The following GMDS variants were observed in gnomAD, a reference collection of about 807,000 sequenced individuals.
The protein encoded by GMDS is GDP-mannose 4,6 dehydratase.
Under a neutral mutation model 49.9 loss-of-function variants are expected in GMDS, and 20 were observed. The ratio of observed to expected loss-of-function variants is 0.40; its 90% CI spans 0.28 to 0.58. The LOEUF is 0.58. Among genes scored for constraint, GMDS ranks in the 20% least tolerant of loss-of-function variants. GMDS has a pLI of 0.42. For synonymous variants in GMDS, 177 were observed against 178.6 expected (o/e 0.99, Z 0.07); for missense variants, 362 against 481.4 (o/e 0.75, Z 2.32).
At chr6:1,920,032 G>C (rs1290417828) in intron 7 of GMDS, among the ~76,000 whole-genome samples, 3 of 152,234 alleles carry the variant, frequency 2.0e-5, no homozygotes, top group African/African-American at 7.2e-5. Flanking sequence ...AGGATAAGGA[G>C]AATCTTTGTG....
chr6:1,840,460 T>C (rs1757106850), intron 7 of GMDS, among the ~76,000 whole-genome samples: 1 of 152,006 alleles, frequency 6.6e-6, no homozygotes, highest in Non-Finnish European at 1.5e-5. Context: ...CTTGTGCAAG[T>C]AAAAAGAAGA....
intron 9 of GMDS, among the ~76,000 whole-genome samples, chr6:1,631,327 G>T (rs1201750345): frequency 6.6e-6 from 1 of 152,138 alleles, no homozygotes; most frequent in Non-Finnish European, 1.5e-5. Flanking sequence ...TATCTCGGAG[G>T]TAAAAGCTAA....
Position 1,778,742 on chromosome 6 carries a change from T to C in GMDS, c.772-36156A>G, listed in dbSNP as rs1768949956. Among the ~76,000 whole-genome samples, 1 of 152,112 alleles carries C rather than the reference T, an allele frequency of 6.6e-6. No homozygotes were observed. Among genetic ancestry groups the C allele is most frequent in the African/African-American group, 2.4e-5 (1 of 41,436 alleles). ...CCAGCCAGGAAAAAGCCTGCTGACG[T>C]TTGCAGCTCAGACCTCAAAGCTCGT... On this transcript the variant is annotated intron_variant, in intron 7 of 10. Coordinates refer to ENST00000380815, the MANE Select transcript of GMDS (RefSeq NM_001500.4). This position sits in a 1 kb window ranked among gnomAD's most constrained non-coding sequence, Gnocchi z 4.6.
chr6:1,702,368 T>C (rs1048313620), intron 9 of GMDS, among the ~76,000 whole-genome samples: 8 of 152,246 alleles, frequency 5.3e-5, no homozygotes, highest in Non-Finnish European at 1.0e-4. Context: ...CTGTATTCTG[T>C]TCTCTCACCC....
chr6:1,638,577 T>TG (rs1273636017), intron 9 of GMDS, among the ~76,000 whole-genome samples: 3 of 136,812 alleles, frequency 2.2e-5, no homozygotes, highest in Non-Finnish European at 3.1e-5. Context: ...GACTGGGCTC[T>TG]GGGGGGCATT....
chr6:2,157,194 T>C (rs1465299801), intron 1 of GMDS, among the ~76,000 whole-genome samples: 1 of 152,218 alleles, frequency 6.6e-6, no homozygotes, highest in Admixed American at 6.5e-5. Flanking sequence ...TGACATCTTA[T>C]TAACATGAAA....
intron 7 of GMDS, among the ~76,000 whole-genome samples, chr6:1,922,848 C>T (rs1450115851): frequency 3.3e-5 from 5 of 152,214 alleles, no homozygotes; most frequent in East Asian, 1.9e-4. Flanking sequence ...AAATCCTCCA[C>T]TAATACAGTT....
At chr6:1,994,413 C>A (rs1766148500) in intron 4 of GMDS, among the ~76,000 whole-genome samples, 1 of 152,042 alleles carries the variant, frequency 6.6e-6, no homozygotes, top group South Asian at 2.1e-4. Flanking sequence ...ATGCTATATT[C>A]CATAATTTGC....
chr6:2,058,517 T>C (rs1372808642), intron 4 of GMDS, among the ~76,000 whole-genome samples: 1 of 151,228 alleles, frequency 6.6e-6, no homozygotes, highest in African/African-American at 2.4e-5. Context: ...CTCATGAGAG[T>C]GTAGAGCTAT....
At chr6:1,731,396 G>A (rs939470231) in intron 8 of GMDS, among the ~76,000 whole-genome samples, 7 of 152,170 alleles carry the variant, frequency 4.6e-5, no homozygotes, top group African/African-American at 1.7e-4. Context: ...CTCCAATAAC[G>A]AATGGGTCTA....
intron 7 of GMDS, among the ~76,000 whole-genome samples, chr6:1,789,833 C>T (rs1477564116): frequency 2.6e-5 from 4 of 152,136 alleles, no homozygotes; most frequent in East Asian, 1.9e-4. Flanking sequence ...CCACCACACC[C>T]AGCCTAAAAT....
intron 7 of GMDS, among the ~76,000 whole-genome samples, chr6:1,795,454 CA>C (rs1201335028): frequency 6.6e-6 from 1 of 152,102 alleles, no homozygotes; most frequent in Non-Finnish European, 1.5e-5. Flanking sequence ...TATATACATA[CA>C]GATATATGAT....
chr6:1,915,437 A>G (rs1195460191), intron 7 of GMDS, among the ~76,000 whole-genome samples: 4 of 152,236 alleles, frequency 2.6e-5, no homozygotes, highest in Admixed American at 2.6e-4. Context: ...AAGGGCAAGC[A>G]GCAGGGGCAG....
At chr6:2,107,151 C>G (rs1440977364) in intron 4 of GMDS, among the ~76,000 whole-genome samples, 1 of 152,166 alleles carries the variant, frequency 6.6e-6, no homozygotes, top group Admixed American at 6.5e-5. Flanking sequence ...GAGCAAAATT[C>G]CAAACATTAT....
Position 2,146,723 on chromosome 6 carries a change from T to C in GMDS, c.103-21992A>G, listed in dbSNP as rs115198106. Reference sequence around the variant, plus strand: ...TCTTTATAGTAGGGATGTTTGATTTTTTTCTTGGTTCTTCAGCTAGACAAT... The same window carrying C: ...TCTTTATAGTAGGGATGTTTGATTTCTTTCTTGGTTCTTCAGCTAGACAAT... On this transcript the variant is annotated intron_variant, in intron 1 of 10. Coordinates refer to ENST00000380815, the MANE Select transcript of GMDS (RefSeq NM_001500.4). Among the ~76,000 whole-genome samples the C allele has an allele frequency of 5.7e-3, 863 of 152,318 alleles. 2 individuals are homozygous for C. The highest frequency in any genetic ancestry group is 0.017 in the Middle Eastern group (5 of 294).
intron 6 of GMDS, among the ~76,000 whole-genome samples, chr6:1,944,418 T>C (rs1225576265): frequency 6.6e-6 from 1 of 151,850 alleles, no homozygotes; most frequent in Non-Finnish European, 1.5e-5. Flanking sequence ...GGCAGGAGAA[T>C]GGCGTGAATC....
At chr6:1,928,975 A>C (rs2127236694) in intron 7 of GMDS, among the ~76,000 whole-genome samples, 1 of 141,596 alleles carries the variant, frequency 7.1e-6, no homozygotes, top group Middle Eastern at 3.7e-3. Context: ...TCTCAAAAAT[A>C]AATAAATAAA....
At chr6:1,996,076 CCTT>C (rs1766258895) in intron 4 of GMDS, among the ~76,000 whole-genome samples, 1 of 151,896 alleles carries the variant, frequency 6.6e-6, no homozygotes, top group Non-Finnish European at 1.5e-5. Flanking sequence ...TTCTTTCTTT[CCTT>C]CTTTTCTTCT....
intron 9 of GMDS, among the ~76,000 whole-genome samples, chr6:1,709,784 T>A (rs1220235794): frequency 6.6e-6 from 1 of 152,208 alleles, no homozygotes; most frequent in African/African-American, 2.4e-5. Context: ...GATTTAGAGA[T>A]GGGACTGAGA....
Sources: allele counts gnomAD v4.1 joint callset (sites outside exome capture counted in the v4.1 genomes callset), GRCh38; gene constraint gnomAD v4.1.1; non-coding constraint Gnocchi (gnomAD v3.1); transcripts MANE v1.5; gene names NCBI Gene and HGNC (gene_info 2026-07-23, HGNC 2026-07-21).